The following ABTB2 variants were observed in gnomAD, a reference collection of about 807,000 sequenced individuals.
The protein encoded by ABTB2 is ankyrin repeat and BTB domain containing 2, also known as ankyrin repeat and BTB/POZ domain-containing protein 2.
Under a neutral mutation model 104.1 loss-of-function variants are expected in ABTB2, and 56 were observed. The observed-to-expected ratio is 0.54, with a 90% confidence interval of 0.43 to 0.67. The LOEUF is 0.67. Ranked by LOEUF, ABTB2 falls within the 30% of genes least tolerant of loss-of-function variation. The probability of loss-of-function intolerance (pLI) is 0.00; values close to 1 mark genes in which losing one functional copy is unlikely to be tolerated. For synonymous variants in ABTB2, 606 were observed against 608.2 expected (o/e 1.00, Z 0.05); for missense variants, 1,279 against 1,407.7 (o/e 0.91, Z 1.46).
At chr11:34,334,271 C>A (rs1375616923) in intron 1 of ABTB2, among the ~76,000 whole-genome samples, 2 of 152,148 alleles carry the variant, frequency 1.3e-5, no homozygotes, top group East Asian at 1.9e-4. Context: ...GGAGCTCATG[C>A]CTAAGACCTG....
At chr11:34,310,067 G>C (rs1332914228) in intron 1 of ABTB2, among the ~76,000 whole-genome samples, 2 of 152,136 alleles carry the variant, frequency 1.3e-5, no homozygotes, top group Admixed American at 6.5e-5. Context: ...CTATTACATT[G>C]AGCAATCGCC....
At chr11:34,278,341 G>A (rs1281184996) in intron 1 of ABTB2, among the ~76,000 whole-genome samples, 1 of 152,140 alleles carries the variant, frequency 6.6e-6, no homozygotes, top group Non-Finnish European at 1.5e-5. Context: ...ACAAGGTTAA[G>A]TTTGTTTCCT....
intron 1 of ABTB2, among the ~76,000 whole-genome samples, chr11:34,207,235 G>A (rs1226781055): frequency 6.6e-6 from 1 of 152,214 alleles, no homozygotes; most frequent in African/African-American, 2.4e-5. Context: ...AACAACACTG[G>A]AGACATGTGG....
intron 3 of ABTB2, among the ~76,000 whole-genome samples, chr11:34,177,163 C>CT (rs1407940620): frequency 6.6e-6 from 1 of 152,228 alleles, no homozygotes; most frequent in Non-Finnish European, 1.5e-5. Flanking sequence ...TACTAAAACT[C>CT]TAAGAGGGCA....
chr11:34,235,480 G>C (rs911218128), intron 1 of ABTB2, among the ~76,000 whole-genome samples: 1 of 152,160 alleles, frequency 6.6e-6, no homozygotes, highest in African/African-American at 2.4e-5. Context: ...GGCTCTCTCT[G>C]TTATCCTCAG....
chr11:34,232,452 A>AAAAAAAAAC lies in ABTB2; in HGVS notation c.884-27763_884-27762insGTTTTTTTT, dbSNP rs1444678172. On this transcript the variant is annotated intron_variant, in intron 1 of 16. Coordinates refer to ENST00000435224, the MANE Select transcript of ABTB2 (RefSeq NM_145804.3). The stretch of plus-strand genomic sequence containing the variant: ...GCAATAGAGGGAGACTCTGTCTCAA[A>AAAAAAAAAC]AAAAAAAAAAAAAATTGTTCTTAAA... Among the ~76,000 whole-genome samples the AAAAAAAAAC allele has an allele frequency of 9.6e-4, 145 of 151,120 alleles. 3 individuals carry two copies. Among genetic ancestry groups the AAAAAAAAAC allele is most frequent in the African/African-American group, 3.2e-3 (130 of 41,116 alleles).
intron 3 of ABTB2, among the ~76,000 whole-genome samples, chr11:34,186,299 G>T (rs964358140): frequency 6.6e-6 from 1 of 152,214 alleles, no homozygotes; most frequent in Non-Finnish European, 1.5e-5. Context: ...TGTCAGGGCG[G>T]CTGGTCTTGC....
intron 1 of ABTB2, among the ~76,000 whole-genome samples, chr11:34,228,858 G>A (rs1398964036): frequency 6.6e-6 from 1 of 152,142 alleles, no homozygotes; most frequent in African/African-American, 2.4e-5. Flanking sequence ...AGTGGCTCAT[G>A]CCTGTAATTC....
At chr11:34,209,678 AGGGGTAGGGGTGG>A (rs1227472079) in intron 1 of ABTB2, among the ~76,000 whole-genome samples, 1 of 3,688 alleles carries the variant, frequency 2.7e-4, no homozygotes, top group Non-Finnish European at 4.9e-4. Flanking sequence ...GGTAGGGGTG[AGGGGTAGGGGTGG>A]GGGTGAGGGG....
chr11:34,270,902 GC>G (rs1316033571), intron 1 of ABTB2, among the ~76,000 whole-genome samples: 2 of 152,126 alleles, frequency 1.3e-5, no homozygotes, highest in African/African-American at 4.8e-5. Flanking sequence ...ACTGTGTGAC[GC>G]CTTTTGCCCT....
intron 1 of ABTB2, among the ~76,000 whole-genome samples, chr11:34,352,577 T>G (rs1855411609): frequency 6.6e-6 from 1 of 152,246 alleles, no homozygotes; most frequent in African/African-American, 2.4e-5. Context: ...TGCTCAATAA[T>G]TGTTGAATGA....
intron 1 of ABTB2, among the ~76,000 whole-genome samples, chr11:34,243,447 C>G (rs998124671): frequency 3.9e-5 from 6 of 152,112 alleles, no homozygotes; most frequent in Non-Finnish European, 8.8e-5. Flanking sequence ...TCTGGCAAAT[C>G]TCTTAACCCT....
At chr11:34,294,494 AC>A (rs140937314) in intron 1 of ABTB2, among the ~76,000 whole-genome samples, 2,228 of 152,300 alleles carry the variant, frequency 0.015, 41 homozygotes, top group African/African-American at 0.034. Flanking sequence ...GGTGCTGACT[AC>A]GGCCAATGCT....
chr11:34,307,694 ACTCT>A (rs1218061481), intron 1 of ABTB2, among the ~76,000 whole-genome samples: 2 of 138,922 alleles, frequency 1.4e-5, no homozygotes, highest in African/African-American at 2.9e-5. Context: ...TAGTTAGGTG[ACTCT>A]CTGTTTTTTT....
At chr11:34,246,844 T>C (rs1243364036) in intron 1 of ABTB2, among the ~76,000 whole-genome samples, 1 of 126,354 alleles carries the variant, frequency 7.9e-6, no homozygotes, top group African/African-American at 3.1e-5. Context: ...TTTTTTCTTT[T>C]TTCTTTTTTT....
rs1852863807 is a variant in ABTB2 at position 34,170,890 on chromosome 11, A to C, written c.1563+16T>G. The C allele has an allele frequency of 1.9e-6, 3 of 1,606,114 alleles. No individual in the cohort carries two copies. Among genetic ancestry groups the C allele is most frequent in the African/African-American group, 2.7e-5 (2 of 74,702 alleles). On this transcript the variant is annotated intron_variant, in intron 5 of 16. Coordinates refer to ENST00000435224, the MANE Select transcript of ABTB2 (RefSeq NM_145804.3). ...CTGGTCCTCGTGCCTGTCTTTGTGG[A>C]GCTCTCAGGACGTACCTGGTCATCC...
At chr11:34,156,107 C>G (rs947479357) in intron 14 of ABTB2, among the ~76,000 whole-genome samples, 2 of 152,248 alleles carry the variant, frequency 1.3e-5, no homozygotes, top group African/African-American at 4.8e-5. Context: ...CTGCAGCTCC[C>G]TTCCTGGCCT....
intron 1 of ABTB2, among the ~76,000 whole-genome samples, chr11:34,220,322 A>G (rs1853604241): frequency 6.6e-6 from 1 of 152,212 alleles, no homozygotes; most frequent in Non-Finnish European, 1.5e-5. Context: ...GTGGCCATGC[A>G]ATATGCCAGG....
Position 34,162,822 on chromosome 11 carries a change from G to T in ABTB2, c.1989-17C>A, listed in dbSNP as rs757578829. On this transcript the variant is annotated splice_polypyrimidine_tract_variant and intron_variant, in intron 9 of 16. Coordinates refer to ENST00000435224, the MANE Select transcript of ABTB2 (RefSeq NM_145804.3). Reference sequence around the variant, plus strand: ...AGGACGTTCCTGCAGGCCCAGGGATGAATGAAGGTGAGGGCTGAAGTCCCA... The same window carrying T: ...AGGACGTTCCTGCAGGCCCAGGGATTAATGAAGGTGAGGGCTGAAGTCCCA... 1 of 1,586,932 alleles carries T rather than the reference G, an allele frequency of 6.3e-7. No individual in the cohort carries two copies. Among genetic ancestry groups the T allele is most frequent in the Admixed American group, 1.7e-5 (1 of 58,248 alleles).
Sources: gnomAD v4.1 joint callset for allele counts (sites outside exome capture counted in the v4.1 genomes callset) on GRCh38, gnomAD v4.1.1 for gene constraint, MANE v1.5 for transcripts, NCBI Gene and HGNC (gene_info 2026-07-23, HGNC 2026-07-21) for gene names.